The following CHLSN variants were observed in gnomAD, a reference collection of about 807,000 sequenced individuals.
CHLSN encodes the protein cholesin, also known as protein cholesin.
the CHLSN span, chr7:984,839 G>A: frequency 3.6e-6 from 5 of 1,407,412 alleles, no homozygotes; most frequent in Admixed American, 2.2e-5. Flanking sequence ...ATGGGGGTGA[G>A]GGCCCAGCCA....
At chr7:1,084,278 G>A in the CHLSN span, among the ~76,000 whole-genome samples, 2 of 152,346 alleles carry the variant, frequency 1.3e-5, no homozygotes, top group African/African-American at 2.4e-5. Flanking sequence ...ACGCGGAGGC[G>A]GGGGACGCCA....
the CHLSN span, chr7:1,058,178 C>A: frequency 8.6e-4 from 636 of 740,418 alleles, no homozygotes; most frequent in Non-Finnish European, 1.3e-3. Context: ...CGCCCCTGGA[C>A]CGGGACACGG....
chr7:1,024,601 A>G, the CHLSN span: 1 of 152,180 alleles, frequency 6.6e-6, no homozygotes, highest in Non-Finnish European at 1.5e-5. Context: ...GAACGCTAGG[A>G]TGAGGGCGGG....
the CHLSN span, among the ~76,000 whole-genome samples, chr7:1,035,803 A>T: frequency 5.3e-5 from 8 of 152,176 alleles, no homozygotes; most frequent in Non-Finnish European, 1.2e-4. Flanking sequence ...ACCCACATGA[A>T]CTCAAAATTT....
At chr7:1,000,404 C>T in the CHLSN span, 11 of 1,068,122 alleles carry the variant, frequency 1.0e-5, no homozygotes, top group East Asian at 5.8e-5. Context: ...CCCGGGGGGA[C>T]GTGCCTGCCC....
chr7:1,063,064 T>A, the CHLSN span, among the ~76,000 whole-genome samples: 1 of 152,052 alleles, frequency 6.6e-6, no homozygotes, highest in Non-Finnish European at 1.5e-5. Flanking sequence ...ACCTGCCCCC[T>A]CCGTTCTCTC....
chr7:1,097,224 C>T, the CHLSN span, among the ~76,000 whole-genome samples: 2 of 152,168 alleles, frequency 1.3e-5, no homozygotes, highest in Non-Finnish European at 2.9e-5. The surrounding 1 kb of genome is among the most constrained non-coding windows in gnomAD (Gnocchi z 4.3). Flanking sequence ...CCGAACACTG[C>T]CACCCTCCAG....
chr7:980,011 CT>C, the CHLSN span, among the ~76,000 whole-genome samples: 1 of 152,240 alleles, frequency 6.6e-6, no homozygotes, highest in Non-Finnish European at 1.5e-5. Flanking sequence ...GGCTTCTGGC[CT>C]CTGCTACTTT....
At chr7:1,007,270 T>C in the CHLSN span, among the ~76,000 whole-genome samples, 103,437 of 152,206 alleles carry the variant, frequency 0.68, 35,750 homozygotes, top group African/African-American at 0.79. Flanking sequence ...AAGATGGCCA[T>C]GGGCCACGGC....
the CHLSN span, chr7:1,093,153 C>T: frequency 1.7e-6 from 1 of 602,284 alleles, no homozygotes; most frequent in Non-Finnish European, 3.2e-6. Flanking sequence ...CCAACCCTGC[C>T]TGCCGCTGCA....
the CHLSN span, among the ~76,000 whole-genome samples, chr7:1,042,968 A>G: frequency 1.3e-5 from 2 of 152,028 alleles, no homozygotes; most frequent in African/African-American, 4.8e-5. Flanking sequence ...TTTAAAATGC[A>G]TGGCCGGGCA....
chr7:1,085,625 G>A, the CHLSN span, among the ~76,000 whole-genome samples: 2 of 151,540 alleles, frequency 1.3e-5, no homozygotes, highest in African/African-American at 4.9e-5. Flanking sequence ...TTGAGCCCAG[G>A]AGTTCAAGAC....
chr7:1,081,818 C>T, the CHLSN span: 7 of 139,370 alleles, frequency 5.0e-5, no homozygotes, highest in Non-Finnish European at 8.1e-5. Context: ...GCACAGGGGC[C>T]CCTCCTGTCC....
At chr7:1,011,871 G>T in the CHLSN span, among the ~76,000 whole-genome samples, 1 of 152,190 alleles carries the variant, frequency 6.6e-6, no homozygotes, top group African/African-American at 2.4e-5. Context: ...AGGCTGAAGA[G>T]TCCCGGTGGG....
chr7:1,034,549 G>T, the CHLSN span, among the ~76,000 whole-genome samples: 3 of 152,182 alleles, frequency 2.0e-5, no homozygotes, highest in Non-Finnish European at 4.4e-5. Flanking sequence ...ACGGGCAGTG[G>T]GAGACACACA....
chr7:1,136,184 T>A, the CHLSN span, among the ~76,000 whole-genome samples: 10 of 103,804 alleles, frequency 9.6e-5, no homozygotes, highest in African/African-American at 2.7e-4. Context: ...ATATACATAA[T>A]TATAAATATA....
At chr7:994,389 G>A in the CHLSN span, among the ~76,000 whole-genome samples, 2 of 152,050 alleles carry the variant, frequency 1.3e-5, no homozygotes, top group Admixed American at 1.3e-4. Context: ...TCGAACTCCT[G>A]ACCTCATGAT....
the CHLSN span, among the ~76,000 whole-genome samples, chr7:1,072,481 G>A: frequency 3.9e-5 from 6 of 152,154 alleles, no homozygotes; most frequent in Non-Finnish European, 8.8e-5. Context: ...CTGCTTCTGC[G>A]CTTAGGCATA....
At chr7:1,030,430 C>G in the CHLSN span, among the ~76,000 whole-genome samples, 4 of 152,156 alleles carry the variant, frequency 2.6e-5, no homozygotes, top group African/African-American at 7.2e-5. Context: ...GGGGTGCAGT[C>G]CCCCGGGCTG....
Sources: allele counts gnomAD v4.1 joint callset (sites outside exome capture counted in the v4.1 genomes callset), GRCh38; gene constraint gnomAD v4.1.1; non-coding constraint Gnocchi (gnomAD v3.1); transcripts MANE v1.5; gene names NCBI Gene and HGNC (gene_info 2026-07-23, HGNC 2026-07-21).